The following PRPSAP1 variants were observed in gnomAD, a reference collection of about 807,000 sequenced individuals.
PRPSAP1 encodes the protein phosphoribosyl pyrophosphate synthase-associated protein 1.
Under a neutral mutation model 39.4 loss-of-function variants are expected in PRPSAP1, and 31 were observed. The ratio of observed to expected loss-of-function variants is 0.79; its 90% CI spans 0.59 to 1.06. PRPSAP1 has a LOEUF of 1.06. Among genes scored for constraint, PRPSAP1 ranks in the 50% least tolerant of loss-of-function variants. The pLI is 0.00. For missense variants in PRPSAP1, 430 were observed against 511.6 expected, an observed-to-expected ratio of 0.84 and a Z score of 1.54; for synonymous variants, 212 against 192.6, an observed-to-expected ratio of 1.10 and a Z score of -0.83.
intron 4 of PRPSAP1, 101 bp downstream of exon 4, chr17:76,332,162 A>C (rs775366729): frequency 7.2e-7 from 1 of 1,388,956 alleles, no homozygotes; most frequent in Non-Finnish European, 9.8e-7. Flanking sequence ...GGAAACAAAC[A>C]CTCAGATCCC....
chr17:76,329,287 A>AC (rs1197223748), intron 6 of PRPSAP1, among the ~76,000 whole-genome samples: 2 of 151,132 alleles, frequency 1.3e-5, no homozygotes, highest in Non-Finnish European at 2.9e-5. Context: ...CTGGTCTTGA[A>AC]CCCCTGGGCT....
rs1421637242 is a variant in PRPSAP1 at position 76,310,469 on chromosome 17, CTGT to C, written c.*1070_*1072del. 2 of 143,428 alleles carry C rather than the reference CTGT, an allele frequency of 1.4e-5. No individual in the cohort carries two copies. Among genetic ancestry groups the C allele is most frequent in the African/African-American group, 2.7e-5 (1 of 36,728 alleles). The allele number at this position is 143,428 out of a possible 1,614,324, so 8.9% of individuals were successfully genotyped here. A position where few individuals can be genotyped will look rare whatever the true frequency, so the allele number is the denominator to read the frequency against. On this transcript the variant is annotated 3_prime_UTR_variant, in exon 10 of 10. Coordinates refer to ENST00000446526, the MANE Select transcript of PRPSAP1 (RefSeq NM_002766.3). ...ACAGGCATAAGACACGATCCCTGGC[CTGT>C]TTTTTTTTTTTGAGACAGGGTGTTG...
rs991996236 is a variant in PRPSAP1, at chr17:76,310,012, A to C, written c.*1530T>G. ...AGTCTTTTTTTTTTTTTGAGATGGA[A>C]TCTTGCTCTGTCACTTGGGCTGGAG... On this transcript the variant is annotated 3_prime_UTR_variant, in exon 10 of 10. Coordinates refer to ENST00000446526, the MANE Select transcript of PRPSAP1 (RefSeq NM_002766.3). The C allele has an allele frequency of 2.7e-5, 4 of 149,744 alleles. No individual in the cohort carries two copies. The highest frequency in any genetic ancestry group is 5.9e-5 in the Non-Finnish European group (4 of 67,800). 9.3% of individuals were successfully genotyped at this position (149,744 alleles called of 1,614,324 possible).
chr17:76,338,402 A>G (rs1165062776), intron 3 of PRPSAP1, among the ~76,000 whole-genome samples: 1 of 152,182 alleles, frequency 6.6e-6, no homozygotes, highest in African/African-American at 2.4e-5. Flanking sequence ...ATGTAACCGC[A>G]GATAATATTA....
intron 3 of PRPSAP1, among the ~76,000 whole-genome samples, chr17:76,333,082 G>A (rs966601637): frequency 2.0e-5 from 3 of 151,640 alleles, no homozygotes; most frequent in Non-Finnish European, 2.9e-5. Flanking sequence ...TAGTAGAGAC[G>A]GGGTTTCACC....
Position 76,312,919 on chromosome 17 carries a change from A to G in PRPSAP1, c.950T>C (p.Ile317Thr). Residue 317 changes from isoleucine to threonine, a missense_variant, in exon 9 of 10, where the codon ATC (isoleucine) becomes ACC (threonine). Physicochemically the swap from Ile to Thr is moderately conservative, Grantham distance 89 (BLOSUM62 -1). Transcript: ENST00000446526. ...CAGGCGAGGGGCCTCTGCAGACAGG[A>G]TGCCGTGGGTGGCCATAACATAGAT... Reference protein sequence around the residue: ...YKIYVMATHGILSAEAPRLIE... With the variant: ...YKIYVMATHGTLSAEAPRLIE... 1 of 1,614,158 alleles carries G rather than the reference A, an allele frequency of 6.2e-7. No individual in the cohort carries two copies. The highest frequency in any genetic ancestry group is 8.5e-7 in the Non-Finnish European group (1 of 1,180,028).
chr17:76,352,644 C>CAAAAAAAAAAAAAAAAAAAAAA (rs55986677), intron 1 of PRPSAP1, among the ~76,000 whole-genome samples: 12 of 53,550 alleles, frequency 2.2e-4, no homozygotes, highest in South Asian at 8.2e-4. Flanking sequence ...GACTCCGTCT[C>CAAAAAAAAAAAAAAAAAAAAAA]AAAAAAAAAA....
chr17:76,352,103 T>C (rs776097164), intron 1 of PRPSAP1, among the ~76,000 whole-genome samples: 5 of 151,376 alleles, frequency 3.3e-5, no homozygotes, highest in Admixed American at 2.6e-4. Context: ...AAAAAATGAC[T>C]AAAGTTTTCC....
At chr17:76,351,808 G>A (rs961475248) in intron 1 of PRPSAP1, among the ~76,000 whole-genome samples, 4 of 152,082 alleles carry the variant, frequency 2.6e-5, no homozygotes, top group Admixed American at 2.0e-4. Context: ...TGCCAGGAAA[G>A]AATCTAAAAC....
intron 7 of PRPSAP1, among the ~76,000 whole-genome samples, chr17:76,325,516 A>C (rs939333368): frequency 4.0e-5 from 6 of 151,094 alleles, no homozygotes; most frequent in African/African-American, 7.3e-5. Context: ...AACTTTCAAC[A>C]ACCACCACCC....
intron 5 of PRPSAP1, 74 bp downstream of exon 5, chr17:76,330,477 G>A (rs1011942721): frequency 1.0e-5 from 12 of 1,189,340 alleles, no homozygotes; most frequent in African/African-American, 4.6e-5. Flanking sequence ...TTCCAGTAAC[G>A]AAATCTGATA....
chr17:76,322,719 C>T (rs2071211215), intron 7 of PRPSAP1, among the ~76,000 whole-genome samples: 1 of 152,108 alleles, frequency 6.6e-6, no homozygotes, highest in Admixed American at 6.5e-5. Flanking sequence ...GGCACAGTGG[C>T]TCATACCTCT....
At chr17:76,343,799 C>T (rs980335561) in intron 3 of PRPSAP1, among the ~76,000 whole-genome samples, 1 of 152,112 alleles carries the variant, frequency 6.6e-6, no homozygotes, top group Admixed American at 6.5e-5. Context: ...TGTGCCACTG[C>T]ACTCCAGCCG....
At position 76,348,561 on chromosome 17, in the gene PRPSAP1, C is replaced by T. The variant is rs764169642; in HGVS notation, c.191G>A (p.Gly64Glu). ...RITERLGAEL[G>E]KSVVYQETNG... ...GGTCTCTTGATATACAACAGACTTC[C>T]CCAATTCAGCACCAAGGCGCCTATA... The change falls in exon 2 of 10, where the codon GGG becomes GAG. Residue 64 changes from glycine (G) to glutamate (E), a missense_variant. By Grantham distance (98) the Gly-to-Glu change is moderately conservative. Around this residue, in one of 2 missense-constraint regions of PRPSAP1, gnomAD observed 152 missense variants for 135.2 expected, o/e 1.12. Transcript: ENST00000446526. The T allele has an allele frequency of 4.6e-6, 7 of 1,528,722 alleles. No individual in the cohort carries two copies. Among genetic ancestry groups the T allele is most frequent in the Non-Finnish European group, 6.1e-6 (7 of 1,149,222 alleles). The allele number at this position is 1,528,722 out of a possible 1,614,324, so 94.7% of individuals were successfully genotyped here. A position where few individuals can be genotyped will look rare whatever the true frequency, so the allele number is the denominator to read the frequency against.
At chr17:76,321,413 G>A (rs142927709) in intron 7 of PRPSAP1, among the ~76,000 whole-genome samples, 209 of 152,076 alleles carry the variant, frequency 1.4e-3, no homozygotes, top group African/African-American at 5.0e-3. Context: ...AAATTAGCTG[G>A]GTGTGGTGAA....
intron 4 of PRPSAP1, 79 bp from the exon 5 acceptor site, chr17:76,330,745 C>T (rs1358295140): frequency 1.5e-5 from 12 of 789,610 alleles, no homozygotes; most frequent in African/African-American, 3.5e-5. Context: ...AGATGCTCAA[C>T]TCCTGCTTCC....
intron 1 of PRPSAP1, among the ~76,000 whole-genome samples, chr17:76,352,644 C>CGA (rs760806856): frequency 3.7e-5 from 2 of 53,588 alleles, no homozygotes; most frequent in African/African-American, 1.2e-4. Context: ...GACTCCGTCT[C>CGA]AAAAAAAAAA....
intron 7 of PRPSAP1, among the ~76,000 whole-genome samples, chr17:76,315,323 T>G (rs1308920401): frequency 6.6e-6 from 1 of 152,192 alleles, no homozygotes; most frequent in Non-Finnish European, 1.5e-5. Flanking sequence ...AAATATTTAT[T>G]AGGCTAGTAG....
intron 1 of PRPSAP1, among the ~76,000 whole-genome samples, chr17:76,351,239 G>A (rs913807323): frequency 2.6e-5 from 4 of 151,448 alleles, no homozygotes; most frequent in Non-Finnish European, 4.4e-5. Context: ...AGGTGTGGCC[G>A]GGCGCGGTGG....
Sources: allele counts gnomAD v4.1 joint callset (sites outside exome capture counted in the v4.1 genomes callset), GRCh38; gene constraint gnomAD v4.1.1; regional missense constraint gnomAD v4.1.1; transcripts MANE v1.5; gene names NCBI Gene and HGNC (gene_info 2026-07-23, HGNC 2026-07-21).